The following ZNF91 variants were observed in gnomAD, a reference collection of about 807,000 sequenced individuals.
ZNF91 encodes zinc finger protein 91 (HPF7, HTF10).
Under a neutral mutation model 12.6 loss-of-function variants are expected in ZNF91, and 7 were observed. That is an observed-to-expected ratio of 0.55 (90% CI 0.31 to 1.04). The LOEUF is 1.04. Ranked by LOEUF, ZNF91 falls within the 50% of genes least tolerant of loss-of-function variation. The pLI, the probability that ZNF91 is intolerant of heterozygous loss-of-function variation, is 0.05. For synonymous variants in ZNF91, 453 were observed against 462.6 expected (o/e 0.98, Z 0.27); for missense variants, 1,217 against 1,385.4 (o/e 0.88, Z 1.93).
intron 1 of ZNF91, among the ~76,000 whole-genome samples, chr19:23,318,961 T>C (rs891073812): frequency 2.6e-5 from 4 of 152,160 alleles, no homozygotes; most frequent in African/African-American, 9.7e-5. Context: ...TGTTGTAATT[T>C]TGACATAGGG....
intron 1 of ZNF91, chr19:23,380,310 G>C (rs1457358994): frequency 8.5e-5 from 11 of 128,778 alleles, no homozygotes; most frequent in African/African-American, 2.9e-4. Flanking sequence ...AAAGAGTGAA[G>C]CTTGAGCTGC....
chr19:23,334,632 C>G (rs1448184222), downstream of ZNF91, among the ~76,000 whole-genome samples: 3 of 152,160 alleles, frequency 2.0e-5, no homozygotes, highest in Non-Finnish European at 2.9e-5. Flanking sequence ...ATTGTATTTA[C>G]TAATTGGTAC....
intron 3 of ZNF91, among the ~76,000 whole-genome samples, chr19:23,366,270 C>T (rs542048671): frequency 1.1e-4 from 16 of 151,324 alleles, no homozygotes; most frequent in South Asian, 4.3e-4. Context: ...CCCTCCCAGA[C>T]GGGGCGGCTG....
At chr19:23,341,817 A>G (rs1968131386) in intron 3 of ZNF91, among the ~76,000 whole-genome samples, 1 of 152,240 alleles carries the variant, frequency 6.6e-6, no homozygotes, top group Non-Finnish European at 1.5e-5. Flanking sequence ...TGATGGGAAA[A>G]GAAACGTTAA....
intron 3 of ZNF91, among the ~76,000 whole-genome samples, chr19:23,348,359 A>T (rs933798235): frequency 5.3e-5 from 8 of 152,222 alleles, no homozygotes; most frequent in African/African-American, 1.9e-4. Flanking sequence ...GATTTCATGG[A>T]CATTTATTAG....
upstream of ZNF91, among the ~76,000 whole-genome samples, chr19:23,314,406 T>C (rs1967518962): frequency 6.6e-6 from 1 of 151,968 alleles, no homozygotes; most frequent in Non-Finnish European, 1.5e-5. Context: ...CCACAGGAGA[T>C]GTGATTGTTC....
chr19:23,351,456 C>T (rs1053324746), intron 3 of ZNF91, among the ~76,000 whole-genome samples: 13 of 151,786 alleles, frequency 8.6e-5, no homozygotes, highest in Admixed American at 2.6e-4. Context: ...TCTGATAAAT[C>T]GGGGAGAATT....
rs774362437 is a variant in ZNF91 at position 23,360,754 on chromosome 19, T to A, written c.2225A>T (p.Tyr742Phe). The A allele has an allele frequency of 1.2e-6, 2 of 1,613,422 alleles. No homozygotes were observed. The highest frequency in any genetic ancestry group is 1.7e-5 in the Admixed American group (1 of 59,912). Reference protein sequence around the residue: ...HKFIHTGEKPYKCEECGKAFN... With the variant: ...HKFIHTGEKPFKCEECGKAFN... ...TGCTTTGCCACATTCTTCACACTTG[T>A]AAGGTTTCTCTCCAGTATGAATAAA... The change falls in exon 4 of 4, where the codon TAC becomes TTC. Residue 742 changes from tyrosine (Y) to phenylalanine (F), a missense_variant. Coordinates refer to ENST00000300619, the MANE Select transcript of ZNF91 (RefSeq NM_003430.4).
At chr19:23,377,971 A>T (rs910150036) in intron 1 of ZNF91, among the ~76,000 whole-genome samples, 47 of 152,168 alleles carry the variant, frequency 3.1e-4, no homozygotes, top group Non-Finnish European at 4.7e-4. Flanking sequence ...TCATTTTTTT[A>T]AAAAAATGCA....
intron 1 of ZNF91, among the ~76,000 whole-genome samples, chr19:23,375,138 G>A (rs543792594): frequency 4.6e-5 from 7 of 151,958 alleles, no homozygotes; most frequent in South Asian, 4.2e-4. Context: ...CAATAGACAC[G>A]TTGAGTTAGA....
At chr19:23,395,214 C>T (rs1285941431) in intron 1 of ZNF91, 111 bp downstream of exon 1, 1 of 1,362,474 alleles carries the variant, frequency 7.3e-7, no homozygotes, top group Non-Finnish European at 1.0e-6. Flanking sequence ...AGAACCCGGG[C>T]ACGGATTGTG....
intron 3 of ZNF91, among the ~76,000 whole-genome samples, chr19:23,350,249 C>G (rs747170334): frequency 3.7e-4 from 57 of 152,212 alleles, no homozygotes; most frequent in African/African-American, 1.3e-3. Flanking sequence ...AGCCCATGTG[C>G]CAGTCCAAAC....
intron 3 of ZNF91, chr19:23,339,899 G>A (rs1479526980): frequency 6.7e-6 from 1 of 148,402 alleles, no homozygotes; most frequent in African/African-American, 2.5e-5. Flanking sequence ...AGCCAACACT[G>A]TGCCACTACA....
At position 23,358,444 on chromosome 19, in the gene ZNF91, G is replaced by A. The variant is rs1254056405; in HGVS notation, c.*959C>T. ...AATGTCCTTACCTTTCCATAGAAAA[G>A]GTCATAAATAATGCCTCTTCATATT... On this transcript the variant is annotated 3_prime_UTR_variant, in exon 4 of 4. Coordinates refer to ENST00000300619, the MANE Select transcript of ZNF91 (RefSeq NM_003430.4). The A allele has an allele frequency of 6.6e-6, 1 of 151,982 alleles. No homozygotes were observed. Among genetic ancestry groups the A allele is most frequent in the Non-Finnish European group, 1.5e-5 (1 of 68,010 alleles). 9.4% of individuals were successfully genotyped at this position (151,982 alleles called of 1,614,324 possible).
At chr19:23,373,717 G>A (rs763959145) in intron 3 of ZNF91, 25 bp downstream of exon 3, 50 of 1,578,328 alleles carry the variant, frequency 3.2e-5, no homozygotes, top group Non-Finnish European at 3.7e-5. Flanking sequence ...CATCCTTGTC[G>A]TCTGTTGTAT....
Position 23,375,254 on chromosome 19 carries a change from G to A in ZNF91, c.31-490C>T, listed in dbSNP as rs549318295. ...CAGCTCACTGCAAGCTCCGCCTCCC[G>A]GGTTCCGTGATTCTCCTGCCTCAGC... On this transcript the variant is annotated intron_variant, in intron 1 of 3. Coordinates refer to ENST00000300619, the MANE Select transcript of ZNF91 (RefSeq NM_003430.4). Among the ~76,000 whole-genome samples, 10 of 151,838 alleles carry A rather than the reference G, an allele frequency of 6.6e-5. No homozygotes were observed. The East Asian group carries it at 9.7e-4, about 15-fold the overall frequency.
downstream of ZNF91, among the ~76,000 whole-genome samples, chr19:23,335,666 C>T (rs556834746): frequency 2.0e-5 from 3 of 152,306 alleles, no homozygotes; most frequent in South Asian, 4.1e-4. Context: ...TTGCTAAGAC[C>T]GTTGGAAAAG....
intron 1 of ZNF91, among the ~76,000 whole-genome samples, chr19:23,391,908 G>A (rs1472148791): frequency 1.3e-5 from 2 of 152,088 alleles, no homozygotes; most frequent in African/African-American, 2.4e-5. Flanking sequence ...CTATGTCAGA[G>A]TTATTAACTT....
At chr19:23,331,834 T>A (rs1258458060) in intron 1 of ZNF91, among the ~76,000 whole-genome samples, 1 of 152,210 alleles carries the variant, frequency 6.6e-6, no homozygotes, top group Non-Finnish European at 1.5e-5. Context: ...TGTTTAGAGA[T>A]TATTATTTAT....
Sources: gnomAD v4.1 joint callset for allele counts (sites outside exome capture counted in the v4.1 genomes callset) on GRCh38, gnomAD v4.1.1 for gene constraint, MANE v1.5 for transcripts, NCBI Gene and HGNC (gene_info 2026-07-23, HGNC 2026-07-21) for gene names.